KIAA1217: variants seen among roughly 807,000 people sequenced by gnomAD.
KIAA1217 encodes the protein sickle tail protein homolog.
A neutral mutation model predicts 163.9 loss-of-function variants in KIAA1217; 88 were observed. The observed-to-expected ratio is 0.54, with a 90% CI of 0.45 to 0.64. KIAA1217 has a LOEUF of 0.64. Among genes scored for constraint, KIAA1217 ranks in the 30% least tolerant of loss-of-function variants. KIAA1217 has a pLI of 0.00. For synonymous variants in KIAA1217, 903 were observed against 923.1 expected, an observed-to-expected ratio of 0.98 and a Z score of 0.39; for missense variants, 2,372 against 2,475.0, an observed-to-expected ratio of 0.96 and a Z score of 0.88.
intron 2 of KIAA1217, among the ~76,000 whole-genome samples, chr10:24,283,909 A>AT (rs56960891): frequency 1.9e-4 from 28 of 150,260 alleles, no homozygotes; most frequent in South Asian, 6.3e-4. Context: ...CTTTTCCTTT[A>AT]TTTTTTTTTT....
chr10:24,194,336 ACC>A (rs1319947975), intron 2 of KIAA1217, among the ~76,000 whole-genome samples: 1 of 15,588 alleles, frequency 6.4e-5, no homozygotes, highest in Non-Finnish European at 1.1e-4. Context: ...CCCCTCCCCT[ACC>A]CCACCCCACC....
chr10:24,020,617 A>G (rs72773147), intron 2 of KIAA1217, among the ~76,000 whole-genome samples: 1,781 of 152,150 alleles, frequency 0.012, 12 homozygotes, highest in Non-Finnish European at 0.019. Flanking sequence ...CCCAATACAC[A>G]TATATACACA....
chr10:24,410,144 C>T (rs921434436), intron 3 of KIAA1217, among the ~76,000 whole-genome samples: 1 of 151,616 alleles, frequency 6.6e-6, no homozygotes, highest in African/African-American at 2.4e-5. Context: ...TTACAGGCAC[C>T]CGCCACCACG....
At chr10:24,518,655 G>A (rs2070596249) in intron 10 of KIAA1217, among the ~76,000 whole-genome samples, 1 of 152,160 alleles carries the variant, frequency 6.6e-6, no homozygotes, top group South Asian at 2.1e-4. Flanking sequence ...ATTCTGTTTG[G>A]TTGTGCAATA....
chr10:23,837,918 G>A (rs1205742008), intron 1 of KIAA1217, among the ~76,000 whole-genome samples: 1 of 151,996 alleles, frequency 6.6e-6, no homozygotes, highest in African/African-American at 2.4e-5. Context: ...CCTGTATATA[G>A]GGCAACTATT....
At chr10:23,759,172 G>A (rs1834109649) in intron 1 of KIAA1217, among the ~76,000 whole-genome samples, 1 of 151,846 alleles carries the variant, frequency 6.6e-6, no homozygotes, top group Non-Finnish European at 1.5e-5. Flanking sequence ...TATTCTTTTT[G>A]ATGCTATTGT....
intron 2 of KIAA1217, among the ~76,000 whole-genome samples, chr10:24,243,988 C>T (rs571122849): frequency 1.3e-5 from 2 of 152,272 alleles, no homozygotes; most frequent in East Asian, 1.9e-4. Context: ...AGATGGGCTG[C>T]GTGCAGTGAC....
chr10:24,077,718 A>G (rs915356777), intron 2 of KIAA1217, among the ~76,000 whole-genome samples: 9 of 152,188 alleles, frequency 5.9e-5, no homozygotes, highest in Non-Finnish European at 1.0e-4. Flanking sequence ...TGCTGGATCA[A>G]ATAGTATTTC....
At chr10:24,193,949 A>AG (rs11397186) in intron 2 of KIAA1217, among the ~76,000 whole-genome samples, 104,968 of 151,674 alleles carry the variant, frequency 0.69, 36,871 homozygotes, top group Middle Eastern at 0.82. Context: ...GCACTTTGGA[A>AG]GTCTAGGTGG....
intron 2 of KIAA1217, among the ~76,000 whole-genome samples, chr10:24,200,457 C>G (rs2130520284): frequency 6.6e-6 from 1 of 152,230 alleles, no homozygotes; most frequent in East Asian, 1.9e-4. Flanking sequence ...CACCATGCCA[C>G]TGAGCCACTG....
intron 1 of KIAA1217, among the ~76,000 whole-genome samples, chr10:23,916,968 CAA>C (rs72049753): frequency 0.024 from 1,916 of 80,040 alleles, 23 homozygotes; most frequent in South Asian, 0.068. Context: ...GAGATTCTCT[CAA>C]AAAAAAAAAA....
chr10:24,160,707 A>G (rs1362409488), intron 2 of KIAA1217, among the ~76,000 whole-genome samples: 1 of 152,238 alleles, frequency 6.6e-6, no homozygotes, highest in African/African-American at 2.4e-5. Flanking sequence ...CATATTGCCC[A>G]GAAGGAGCTA....
chr10:23,812,242 A>C (rs777849899), intron 1 of KIAA1217, among the ~76,000 whole-genome samples: 13 of 152,234 alleles, frequency 8.5e-5, no homozygotes, highest in Non-Finnish European at 1.9e-4. Context: ...ATAATGAAGT[A>C]AGAAATGATA....
intron 3 of KIAA1217, among the ~76,000 whole-genome samples, chr10:24,426,955 C>A (rs2059221958): frequency 6.6e-6 from 1 of 152,116 alleles, no homozygotes; most frequent in Non-Finnish European, 1.5e-5. Context: ...GAAGATGTCC[C>A]ACATTCTGGA....
chr10:24,331,907 C>T (rs1298400880), intron 2 of KIAA1217, among the ~76,000 whole-genome samples: 3 of 152,192 alleles, frequency 2.0e-5, no homozygotes, highest in African/African-American at 7.2e-5. Context: ...TCAAGCAATT[C>T]TCCTGCCTCA....
At position 23,772,675 on chromosome 10, in the gene KIAA1217, G is replaced by A. The variant is rs1432178482; in HGVS notation, c.-321+77441G>A. ...GTTCATTTAGGAATGAACACTCCGC[G>A]AACTATTAGAGATATTGCTGAGACA... On this transcript the variant is annotated intron_variant, in intron 1 of 18. Transcript: ENST00000376462. Among the ~76,000 whole-genome samples, 10 of 152,100 alleles carry A rather than the reference G, an allele frequency of 6.6e-5. No homozygotes were observed. In the South Asian group the frequency reaches 1.0e-3, roughly 16 times the overall value.
At chr10:23,991,139 C>T (rs1334251059) in intron 1 of KIAA1217, among the ~76,000 whole-genome samples, 2 of 152,168 alleles carry the variant, frequency 1.3e-5, no homozygotes, top group South Asian at 2.1e-4. Context: ...TCAAACTAGT[C>T]GGGTATTTTC....
At chr10:24,074,359 C>T (rs2061294777) in intron 2 of KIAA1217, among the ~76,000 whole-genome samples, 1 of 151,940 alleles carries the variant, frequency 6.6e-6, no homozygotes, top group South Asian at 2.1e-4. Context: ...TCTCAAACAA[C>T]AACAACAACA....
At chr10:24,382,006 C>T (rs181342311) in intron 3 of KIAA1217, among the ~76,000 whole-genome samples, 30 of 150,658 alleles carry the variant, frequency 2.0e-4, no homozygotes, top group East Asian at 9.7e-4. Context: ...GATTTTACCA[C>T]GTATCATTTC....
Sources: allele counts gnomAD v4.1 joint callset (sites outside exome capture counted in the v4.1 genomes callset), GRCh38; gene constraint gnomAD v4.1.1; transcripts MANE v1.5; gene names NCBI Gene and HGNC (gene_info 2026-07-23, HGNC 2026-07-21).